ZNF18: variants seen among roughly 807,000 people sequenced by gnomAD.
The protein encoded by ZNF18 is zinc finger protein 18.
ZNF18 carries 42 observed loss-of-function variants against 58.1 expected under a neutral mutation model. That is an observed-to-expected ratio of 0.72 (90% CI 0.56 to 0.93). ZNF18 has a LOEUF of 0.93. Ranked by LOEUF, ZNF18 falls within the 40% of genes least tolerant of loss-of-function variation. ZNF18 has a pLI of 0.00. For missense variants in ZNF18, 540 were observed against 644.2 expected, an observed-to-expected ratio of 0.84 and a Z score of 1.75; for synonymous variants, 231 against 239.8, an observed-to-expected ratio of 0.96 and a Z score of 0.34.
intron 5 of ZNF18, among the ~76,000 whole-genome samples, 198 bp downstream of exon 5, chr17:11,983,915 C>G (rs149392479): frequency 6.6e-6 from 1 of 152,154 alleles, no homozygotes; most frequent in Non-Finnish European, 1.5e-5. Flanking sequence ...TCCTGGCACA[C>G]GGAATACTTT....
chr17:12,002,745 T>C, the ZNF18 span, among the ~76,000 whole-genome samples: 1 of 152,190 alleles, frequency 6.6e-6, no homozygotes, highest in Non-Finnish European at 1.5e-5. Flanking sequence ...GAAATGAATA[T>C]ATTGATGAAG....
At chr17:12,016,710 T>A in the ZNF18 span, among the ~76,000 whole-genome samples, 1 of 152,114 alleles carries the variant, frequency 6.6e-6, no homozygotes, top group Non-Finnish European at 1.5e-5. Flanking sequence ...TCTTGCAGAA[T>A]AGAATCCTAT....
At chr17:11,986,930 A>G (rs1429645886) in intron 4 of ZNF18, among the ~76,000 whole-genome samples, 1 of 152,218 alleles carries the variant, frequency 6.6e-6, no homozygotes, top group African/African-American at 2.4e-5. Context: ...TTGCTTCAGG[A>G]GCACTAACAG....
chr17:11,993,164 C>T (rs1276217554), intron 1 of ZNF18, among the ~76,000 whole-genome samples: 1 of 152,122 alleles, frequency 6.6e-6, no homozygotes, highest in Non-Finnish European at 1.5e-5. Context: ...AATGTCCAGA[C>T]AAAATGAAGA....
intron 4 of ZNF18, among the ~76,000 whole-genome samples, chr17:11,987,692 A>G (rs1008284388): frequency 3.3e-5 from 5 of 152,220 alleles, no homozygotes; most frequent in African/African-American, 1.2e-4. Context: ...AAACAACAAT[A>G]ATCCTCCAAG....
At chr17:12,018,050 G>T in the ZNF18 span, among the ~76,000 whole-genome samples, 1 of 152,122 alleles carries the variant, frequency 6.6e-6, no homozygotes, top group Non-Finnish European at 1.5e-5. Context: ...ATTCCTCTTA[G>T]AAATCATCTT....
At chr17:11,996,609 T>C (rs1302375174) in intron 1 of ZNF18, among the ~76,000 whole-genome samples, 1 of 151,906 alleles carries the variant, frequency 6.6e-6, no homozygotes, top group Non-Finnish European at 1.5e-5. Context: ...CCATTAGTTA[T>C]GAAAAAAAAA....
chr17:11,984,288 A>G, intron 4 of ZNF18, 91 bp from the exon 5 acceptor site: 1 of 1,281,054 alleles, frequency 7.8e-7, no homozygotes, highest in Non-Finnish European at 1.1e-6. Flanking sequence ...AGCTGAGAAG[A>G]CAGAAACGTG....
the ZNF18 span, chr17:12,021,341 C>G: frequency 6.0e-6 from 1 of 165,836 alleles, no homozygotes; most frequent in South Asian, 2.0e-4. Flanking sequence ...CGCCCGGCCC[C>G]CGTTTCCGGG....
the ZNF18 span, among the ~76,000 whole-genome samples, chr17:12,009,636 A>AG: frequency 6.6e-6 from 1 of 151,828 alleles, no homozygotes; most frequent in Admixed American, 6.6e-5. Flanking sequence ...TATTCTTGGT[A>AG]GAGACAAGGT....
At chr17:11,994,642 C>G (rs866647963) in intron 1 of ZNF18, among the ~76,000 whole-genome samples, 31 of 151,870 alleles carry the variant, frequency 2.0e-4, no homozygotes, top group African/African-American at 7.2e-4. Flanking sequence ...GAGATCGAGA[C>G]CATCCTGGCT....
rs973676038 is a variant in ZNF18, at chr17:11,985,399, G to C, written c.667-1202C>G. Among the ~76,000 whole-genome samples, 5 of 152,174 alleles carry C rather than the reference G, an allele frequency of 3.3e-5. No homozygotes were observed. The South Asian group carries it at 1.0e-3, about 31-fold the overall frequency. ...CCACTTTCTAGCTGTGCAACCTTGAGCAAGTTATTTAACCTTCCAGAGTTT... is the reference window on the plus strand; with the variant it reads ...CCACTTTCTAGCTGTGCAACCTTGACCAAGTTATTTAACCTTCCAGAGTTT... On this transcript the variant is annotated intron_variant, in intron 4 of 6. Coordinates refer to ENST00000580306, the MANE Select transcript of ZNF18 (RefSeq NM_001303281.2).
chr17:11,980,104 C>T (rs930544762), intron 6 of ZNF18, among the ~76,000 whole-genome samples: 1 of 152,150 alleles, frequency 6.6e-6, no homozygotes, highest in Non-Finnish European at 1.5e-5. Context: ...AGGCTCTTGA[C>T]ACCTACTGGC....
intron 1 of ZNF18, 68 bp from the exon 2 acceptor site, chr17:11,992,979 C>T (rs1968226810): frequency 5.5e-6 from 5 of 916,496 alleles, no homozygotes. Context: ...AACAAATTCA[C>T]ATGCCCTACC....
At chr17:11,996,283 T>G (rs781576969) in intron 1 of ZNF18, among the ~76,000 whole-genome samples, 1 of 152,238 alleles carries the variant, frequency 6.6e-6, no homozygotes, top group Non-Finnish European at 1.5e-5. Context: ...AATACCTTGC[T>G]TTGTAAATCC....
the ZNF18 span, among the ~76,000 whole-genome samples, chr17:12,013,112 C>T: frequency 1.3e-5 from 2 of 151,996 alleles, no homozygotes; most frequent in South Asian, 2.1e-4. Flanking sequence ...CCACCATGCC[C>T]GGCTAATTTT....
At chr17:12,001,561 G>A (rs779418808), upstream of ZNF18, among the ~76,000 whole-genome samples, 3 of 152,016 alleles carry the variant, frequency 2.0e-5, no homozygotes, top group Non-Finnish European at 4.4e-5. Flanking sequence ...CCCAGGAGGC[G>A]GAGCTTGCAG....
At chr17:12,021,033 C>G in the ZNF18 span, 2 of 1,174,314 alleles carry the variant, frequency 1.7e-6, no homozygotes, top group Non-Finnish European at 2.1e-6. Context: ...AGATCCCAGC[C>G]CCCTAGCGCG....
At chr17:11,979,639 C>G (rs933695897) in intron 6 of ZNF18, among the ~76,000 whole-genome samples, 3 of 152,072 alleles carry the variant, frequency 2.0e-5, no homozygotes, top group Non-Finnish European at 4.4e-5. Context: ...ATTATTTTAA[C>G]TATATAGATC....
Sources: gnomAD v4.1 joint callset for allele counts (sites outside exome capture counted in the v4.1 genomes callset) on GRCh38, gnomAD v4.1.1 for gene constraint, MANE v1.5 for transcripts, NCBI Gene and HGNC (gene_info 2026-07-23, HGNC 2026-07-21) for gene names.